Variants in RIT2 observed in about 807,000 individuals in gnomAD.
The protein encoded by RIT2 is GTP-binding protein Rit2.
Under a neutral mutation model 23.7 loss-of-function variants are expected in RIT2, and 24 were observed. The ratio of observed to expected loss-of-function variants is 1.01; its 90% CI spans 0.73 to 1.43. The LOEUF is 1.43. Ranked by LOEUF, RIT2 falls within the 40% of genes most tolerant of loss-of-function variation. RIT2 has a pLI of 0.00. For synonymous variants in RIT2, 107 were observed against 91.1 expected (o/e 1.17, Z -0.99); for missense variants, 236 against 266.9 (o/e 0.88, Z 0.81).
chr18:42,962,028 CT>C lies in RIT2; in HGVS notation c.234+12045del, dbSNP rs150073684. ...TTTTTATTGCTCCATAACACAACAC[CT>C]TTTCTGTAAATTTCAGATGTGAGAA... On this transcript the variant is annotated intron_variant, in intron 3 of 4. Coordinates refer to ENST00000326695, the MANE Select transcript of RIT2 (RefSeq NM_002930.4). 1.0e-2 allele frequency among the ~76,000 whole-genome samples: 1,519 copies of C among 152,208 alleles called. 15 individuals carry two copies. The highest frequency in any genetic ancestry group is 0.034 in the African/African-American group (1,396 of 41,532).
intron 2 of RIT2, among the ~76,000 whole-genome samples, chr18:42,993,625 C>T (rs1325674347): frequency 1.3e-5 from 2 of 152,076 alleles, no homozygotes; most frequent in Non-Finnish European, 2.9e-5. Context: ...CCCACCTGCC[C>T]AGTTCCCTTA....
chr18:42,982,839 A>C (rs946589748), intron 2 of RIT2, among the ~76,000 whole-genome samples: 3 of 152,120 alleles, frequency 2.0e-5, no homozygotes, highest in Admixed American at 1.3e-4. Context: ...AAAGAAATCA[A>C]ATATTTAAAT....
intron 2 of RIT2, among the ~76,000 whole-genome samples, chr18:42,990,209 G>T (rs1276691578): frequency 1.3e-5 from 2 of 152,030 alleles, no homozygotes; most frequent in Non-Finnish European, 2.9e-5. Flanking sequence ...TTCAAACAAA[G>T]GAGAGGACCA....
chr18:42,975,435 G>A (rs1379687099), intron 2 of RIT2, among the ~76,000 whole-genome samples: 1 of 152,030 alleles, frequency 6.6e-6, no homozygotes, highest in East Asian at 1.9e-4. Flanking sequence ...GTATGTTGTT[G>A]AGGAATTTTG....
intron 2 of RIT2, among the ~76,000 whole-genome samples, chr18:42,995,161 T>A (rs1270258347): frequency 6.6e-6 from 1 of 152,202 alleles, no homozygotes; most frequent in Non-Finnish European, 1.5e-5. Context: ...TACAAGCCAC[T>A]GGCCCACCTC....
chr18:42,763,989 A>C (rs1160445955), intron 4 of RIT2, among the ~76,000 whole-genome samples: 3 of 152,232 alleles, frequency 2.0e-5, no homozygotes, highest in African/African-American at 4.8e-5. Flanking sequence ...GATGCAGTCC[A>C]TCACTGACCG....
At chr18:43,053,301 A>G (rs1157406922) in intron 1 of RIT2, among the ~76,000 whole-genome samples, 1 of 152,032 alleles carries the variant, frequency 6.6e-6, no homozygotes, top group African/African-American at 2.4e-5. Context: ...AGGCACAGGG[A>G]GTTTAGGAAA....
chr18:42,752,065 C>CA (rs916098661), intron 4 of RIT2, among the ~76,000 whole-genome samples: 90 of 149,544 alleles, frequency 6.0e-4, no homozygotes, highest in East Asian at 1.6e-3. Context: ...CCAAACATGT[C>CA]AAAAAAAAAG....
At chr18:42,809,936 T>TATTATATA (rs1410761976) in intron 4 of RIT2, among the ~76,000 whole-genome samples, 1 of 143,472 alleles carries the variant, frequency 7.0e-6, no homozygotes, top group Non-Finnish European at 1.5e-5. Context: ...ATGTTATATA[T>TATTATATA]TAATATATGA....
At chr18:42,859,904 G>A (rs1281485296) in intron 4 of RIT2, among the ~76,000 whole-genome samples, 1 of 151,690 alleles carries the variant, frequency 6.6e-6, no homozygotes, top group African/African-American at 2.4e-5. Context: ...CAAGTAGCTG[G>A]GACTACAGGT....
intron 1 of RIT2, among the ~76,000 whole-genome samples, chr18:43,046,027 A>C (rs1165305138): frequency 6.6e-6 from 1 of 152,096 alleles, no homozygotes; most frequent in Non-Finnish European, 1.5e-5. Flanking sequence ...TTTTCACAAC[A>C]TATGTGAAAT....
In RIT2 at chr18:42,894,740, G is replaced by T. The variant is rs80212696; in HGVS notation, c.426+28832C>A. 4.3e-3 allele frequency among the ~76,000 whole-genome samples: 651 copies of T among 152,248 alleles called. 6 individuals are homozygous for T. Among genetic ancestry groups the T allele is most frequent in the African/African-American group, 0.015 (622 of 41,554 alleles). ...TTATAATTAAAATTAAACTGCTGTG[G>T]GGAAGAAATTATACTGTAGTATGAT... is the stretch of plus-strand genomic sequence containing the variant. On this transcript the variant is annotated intron_variant, in intron 4 of 4. Coordinates refer to ENST00000326695, the MANE Select transcript of RIT2 (RefSeq NM_002930.4).
chr18:42,880,920 G>T (rs1338290593), intron 4 of RIT2, among the ~76,000 whole-genome samples: 1 of 148,600 alleles, frequency 6.7e-6, no homozygotes, highest in Non-Finnish European at 1.5e-5. Context: ...CAATTCCCCT[G>T]CCTCAGCCTC....
intron 2 of RIT2, among the ~76,000 whole-genome samples, chr18:42,974,568 T>C (rs1910437134): frequency 6.6e-6 from 1 of 152,028 alleles, no homozygotes; most frequent in African/African-American, 2.4e-5. Context: ...CTAGAAGTCA[T>C]AGCCAGAACA....
At chr18:43,008,483 G>C (rs539500162) in intron 2 of RIT2, among the ~76,000 whole-genome samples, 1 of 150,946 alleles carries the variant, frequency 6.6e-6, no homozygotes, top group Admixed American at 6.6e-5. Flanking sequence ...AACTGGCAAA[G>C]TTCTACCTTA....
chr18:42,908,203 C>T (rs933111546), intron 4 of RIT2, among the ~76,000 whole-genome samples: 1 of 149,238 alleles, frequency 6.7e-6, no homozygotes, highest in Non-Finnish European at 1.5e-5. Context: ...AGAAAAAAAT[C>T]AGTGAAATTG....
At chr18:42,748,068 A>G (rs552132352) in intron 4 of RIT2, among the ~76,000 whole-genome samples, 131 of 152,310 alleles carry the variant, frequency 8.6e-4, no homozygotes, top group Admixed American at 5.1e-3. Flanking sequence ...AAGTTTCTGC[A>G]CATCAAAATA....
chr18:43,031,390 C>T (rs908233400), intron 2 of RIT2, among the ~76,000 whole-genome samples: 2 of 151,336 alleles, frequency 1.3e-5, no homozygotes, highest in Non-Finnish European at 2.9e-5. Context: ...GTGAACAGAC[C>T]AATACTTTCT....
At chr18:43,015,939 AAC>A (rs1911464928) in intron 2 of RIT2, among the ~76,000 whole-genome samples, 1 of 151,824 alleles carries the variant, frequency 6.6e-6, no homozygotes, top group Non-Finnish European at 1.5e-5. Context: ...GTCTATCTTA[AAC>A]AGTCTCCTAT....
Sources: allele counts gnomAD v4.1 joint callset (sites outside exome capture counted in the v4.1 genomes callset), GRCh38; gene constraint gnomAD v4.1.1; transcripts MANE v1.5; gene names NCBI Gene and HGNC (gene_info 2026-07-23, HGNC 2026-07-21).